The following HERC4 variants were observed in gnomAD, a reference collection of about 807,000 sequenced individuals.
HERC4 encodes HECT and RLD domain containing E3 ubiquitin protein ligase 4.
In HERC4, 28 loss-of-function variants were observed where a neutral mutation model predicts 124.3. That is an observed-to-expected ratio of 0.23 (90% CI 0.17 to 0.31). The LOEUF (loss-of-function observed/expected upper bound fraction) is 0.31, where lower values mean the gene tolerates loss of function less well. HERC4 is among the 10% of genes least tolerant of loss of function. The pLI is 1.00. For missense variants in HERC4, 713 were observed against 1,229.3 expected (o/e 0.58, Z 6.28); for synonymous variants, 407 against 421.5 (o/e 0.97, Z 0.42).
At chr10:67,942,799 C>A (rs1474122780) in intron 19 of HERC4, among the ~76,000 whole-genome samples, 1 of 152,190 alleles carries the variant, frequency 6.6e-6, no homozygotes, top group Admixed American at 6.5e-5. Context: ...GCGTGAGATA[C>A]TGCGCCAGCT....
intron 9 of HERC4, among the ~76,000 whole-genome samples, chr10:68,000,978 T>C (rs1004408083): frequency 6.6e-6 from 1 of 152,178 alleles, no homozygotes; most frequent in Non-Finnish European, 1.5e-5. Flanking sequence ...ACTAATATAG[T>C]TGTTTCAACT....
At position 67,990,454 on chromosome 10, in the gene HERC4, A is replaced by AAC; in HGVS notation, c.1444-55_1444-54insGT. 97 of 953,218 alleles carry AAC rather than the reference A, an allele frequency of 1.0e-4. 1 individual carries two copies. The highest frequency in any genetic ancestry group is 1.1e-4 in the Non-Finnish European group (79 of 716,498). The allele number at this position is 953,218 out of a possible 1,614,324, so 59.0% of individuals were successfully genotyped here. On this transcript the variant is annotated intron_variant, in intron 13 of 24. Transcript: ENST00000373700. The stretch of plus-strand genomic sequence containing the variant: ...TTCATTTAAAATGAATACACTTTCA[A>AAC]AGAAAAAAAAAAAAAAGGAAGGCAG...
chr10:68,064,008 C>T (rs778109918), intron 3 of HERC4, among the ~76,000 whole-genome samples: 5 of 151,842 alleles, frequency 3.3e-5, no homozygotes, highest in South Asian at 2.1e-4. Flanking sequence ...TTTGGGAGGG[C>T]GAAGTGGGCA....
At chr10:67,997,493 T>C (rs1008550347) in intron 9 of HERC4, among the ~76,000 whole-genome samples, 1 of 152,218 alleles carries the variant, frequency 6.6e-6, no homozygotes, top group Admixed American at 6.5e-5. Flanking sequence ...CTTATGATTA[T>C]ATCTTAATGA....
At chr10:67,969,378 C>T (rs1014930877) in intron 15 of HERC4, among the ~76,000 whole-genome samples, 26 of 152,056 alleles carry the variant, frequency 1.7e-4, no homozygotes, top group South Asian at 4.1e-4. Context: ...TATGAAACCC[C>T]GCAGAGTCCC....
At chr10:68,070,910 A>C (rs1281492140) in intron 3 of HERC4, among the ~76,000 whole-genome samples, 2 of 152,354 alleles carry the variant, frequency 1.3e-5, no homozygotes, top group East Asian at 3.9e-4. Flanking sequence ...TCTTACTTTA[A>C]TTCTATCCCA....
chr10:68,029,367 C>T (rs2039071810), intron 7 of HERC4, among the ~76,000 whole-genome samples: 1 of 152,016 alleles, frequency 6.6e-6, no homozygotes, highest in African/African-American at 2.4e-5. Flanking sequence ...TGATGCATGC[C>T]TGTAGTCCCA....
At chr10:68,028,460 T>C (rs1406644420) in intron 7 of HERC4, among the ~76,000 whole-genome samples, 1 of 152,228 alleles carries the variant, frequency 6.6e-6, no homozygotes, top group East Asian at 1.9e-4. Context: ...TAGTAATCTT[T>C]GCTTTTTTGT....
At chr10:67,981,958 A>G (rs550712785) in intron 15 of HERC4, among the ~76,000 whole-genome samples, 17 of 152,332 alleles carry the variant, frequency 1.1e-4, no homozygotes, top group Admixed American at 2.0e-4. Context: ...AGAAAAAAAG[A>G]AAAACTATCA....
intron 3 of HERC4, among the ~76,000 whole-genome samples, chr10:68,052,985 A>G (rs1297433646): frequency 2.0e-5 from 3 of 152,240 alleles, no homozygotes; most frequent in Non-Finnish European, 2.9e-5. Flanking sequence ...ATGCACGAAG[A>G]AACAGAAGGA....
At chr10:68,030,177 C>T (rs1473460973) in intron 7 of HERC4, among the ~76,000 whole-genome samples, 3 of 151,950 alleles carry the variant, frequency 2.0e-5, no homozygotes, top group Non-Finnish European at 4.4e-5. Flanking sequence ...CAGGATTACA[C>T]ACCTGTAATC....
chr10:67,957,646 C>T (rs558483293), intron 16 of HERC4, among the ~76,000 whole-genome samples: 141 of 152,250 alleles, frequency 9.3e-4, no homozygotes, highest in African/African-American at 3.3e-3. Flanking sequence ...GTCACACATT[C>T]TTGTAGTTGG....
chr10:67,960,922 G>T, intron 16 of HERC4: 2 of 320,750 alleles, frequency 6.2e-6, no homozygotes, highest in South Asian at 3.0e-5. Context: ...AATGTTTATT[G>T]ACCACTTCTT....
chr10:67,974,675 T>A (rs2035474728), intron 15 of HERC4, among the ~76,000 whole-genome samples: 2 of 152,250 alleles, frequency 1.3e-5, no homozygotes, highest in South Asian at 4.1e-4. Flanking sequence ...TTATAATGTA[T>A]GCTTATTGTT....
At chr10:67,960,480 G>C (rs1438188362) in intron 16 of HERC4, among the ~76,000 whole-genome samples, 1 of 152,090 alleles carries the variant, frequency 6.6e-6, no homozygotes, top group African/African-American at 2.4e-5. Flanking sequence ...CTGCCTCCTG[G>C]GTTCAAGCGA....
At chr10:68,033,820 C>T (rs1167433584) in intron 6 of HERC4, 145 bp downstream of exon 6, 2 of 637,032 alleles carry the variant, frequency 3.1e-6, no homozygotes, top group Non-Finnish European at 5.3e-6. Flanking sequence ...ACTGCATTCC[C>T]CAAATGGAAT....
intron 3 of HERC4, among the ~76,000 whole-genome samples, chr10:68,056,295 G>A (rs1008714604): frequency 5.3e-5 from 8 of 152,128 alleles, no homozygotes; most frequent in African/African-American, 1.9e-4. Context: ...ATTAAAACAA[G>A]AGTCTATGAT....
rs572187082 is a variant in HERC4 at position 68,040,710 on chromosome 10, G to A, written c.387-2541C>T. 2.1e-3 allele frequency among the ~76,000 whole-genome samples: 317 copies of A among 152,090 alleles called. 1 individual carries two copies. Among genetic ancestry groups the A allele is most frequent in the South Asian group, 1.0e-2 (48 of 4,812 alleles). ...TCAAGACCAGCCTGGCCAAAATGGT[G>A]AAACCCCGTCTCTACTAAAAATACA... On this transcript the variant is annotated intron_variant, in intron 4 of 24. Transcript: ENST00000373700.
chr10:67,950,695 G>T (rs2033728086), intron 19 of HERC4, among the ~76,000 whole-genome samples: 1 of 152,164 alleles, frequency 6.6e-6, no homozygotes, highest in Non-Finnish European at 1.5e-5. Context: ...TTTGGTGTTT[G>T]GATAGAATTA....
Sources: allele counts gnomAD v4.1 joint callset (sites outside exome capture counted in the v4.1 genomes callset), GRCh38; gene constraint gnomAD v4.1.1; transcripts MANE v1.5; gene names NCBI Gene and HGNC (gene_info 2026-07-23, HGNC 2026-07-21).